Variants in ZNF836 observed in about 807,000 individuals in gnomAD.
ZNF836 encodes the protein zinc finger protein 836.
Under a neutral mutation model 7.4 loss-of-function variants are expected in ZNF836, and 12 were observed. The observed-to-expected ratio is 1.61, with a 90% CI of 1.03 to 2.61. The LOEUF (loss-of-function observed/expected upper bound fraction) is 2.61. ZNF836 is among the 30% of genes most tolerant of loss of function. The pLI, the probability that ZNF836 is intolerant of heterozygous loss-of-function variation, is 0.00. For synonymous variants in ZNF836, 365 were observed against 382.6 expected (o/e 0.95, Z 0.54); for missense variants, 998 against 1,126.2 (o/e 0.89, Z 1.63).
chr19:52,159,143 C>T (rs1410975491), intron 4 of ZNF836, among the ~76,000 whole-genome samples: 1 of 152,010 alleles, frequency 6.6e-6, no homozygotes, highest in East Asian at 1.9e-4. Context: ...GTTTAAACGA[C>T]CCTATCTATG....
chr19:52,170,667 T>C (rs2089300670), intron 1 of ZNF836, among the ~76,000 whole-genome samples: 1 of 152,166 alleles, frequency 6.6e-6, no homozygotes, highest in Non-Finnish European at 1.5e-5. Context: ...TTCGTTCTCT[T>C]TCACTCTTGC....
rs1043052059 is a variant in ZNF836 at position 52,156,896 on chromosome 19, T to G, written c.787A>C (p.Ile263Leu). ...CCCCTTGTATGGACTATCTGATGTATAGTTAGTAGTGAGCCCCGATGAAAG... is the reference window on the plus strand; with the variant it reads ...CCCCTTGTATGGACTATCTGATGTAGAGTTAGTAGTGAGCCCCGATGAAAG... ...KAFHRGSLLT[I>L]HQIVHTRGKP... The change falls in exon 5 of 5, where the codon ATA becomes CTA. Residue 263 changes from isoleucine to leucine, a missense_variant. Physicochemically the swap from Ile to Leu is conservative, Grantham distance 5 (BLOSUM62 2). Coordinates refer to ENST00000682614, the MANE Select transcript of ZNF836 (RefSeq NM_001102657.3). 1.9e-6 allele frequency: 3 copies of G among 1,614,060 alleles called. No homozygotes were observed. The highest frequency in any genetic ancestry group is 2.7e-5 in the African/African-American group (2 of 74,924).
In ZNF836 at chr19:52,161,106, T is replaced by C. The variant is rs1022797907; in HGVS notation, c.16-515A>G. ...ATAGATAGAGAGATAGAGAGATTTG[T>C]TCCCATGTTACTAGGAGACAACTAT... On this transcript the variant is annotated intron_variant, in intron 3 of 4. Coordinates refer to ENST00000682614, the MANE Select transcript of ZNF836 (RefSeq NM_001102657.3). This position sits in a 1 kb window ranked among gnomAD's most constrained non-coding sequence, Gnocchi z 4.1. Among the ~76,000 whole-genome samples the C allele has an allele frequency of 2.0e-5, 3 of 152,226 alleles. No individual in the cohort carries two copies. Among genetic ancestry groups the C allele is most frequent in the Non-Finnish European group, 4.4e-5 (3 of 68,046 alleles).
In ZNF836 at chr19:52,155,274, C is replaced by T. The variant is rs376731365; in HGVS notation, c.2409G>A (p.Glu803=). ...CACACTCATTACACACGTAAGGTTT[C>T]TCTCCAGTATGAATACTCCGATGAC... ...LARHRSIHTG[E]KPYVCNECGK... Residue 803 remains glutamate (E), a synonymous_variant, in exon 5 of 5, where the codon GAG becomes GAA. Coordinates refer to ENST00000682614, the MANE Select transcript of ZNF836 (RefSeq NM_001102657.3). The T allele has an allele frequency of 2.1e-4, 334 of 1,613,934 alleles. 1 individual carries two copies. The African/African-American group carries it at 3.5e-3, about 17-fold the overall frequency.
chr19:52,160,419 A>C (rs756870555), intron 4 of ZNF836, 46 bp downstream of exon 4: 24 of 1,613,454 alleles, frequency 1.5e-5, no homozygotes, highest in Non-Finnish European at 2.0e-5. Context: ...AAAATACAAA[A>C]ATACACGAGG....
chr19:52,163,647 A>G (rs980846542), intron 3 of ZNF836, among the ~76,000 whole-genome samples: 2 of 152,284 alleles, frequency 1.3e-5, no homozygotes. Context: ...AGACACAACC[A>G]AAGCCTATCA....
intron 2 of ZNF836, among the ~76,000 whole-genome samples, chr19:52,169,232 A>C (rs1003837223): frequency 6.6e-6 from 1 of 152,234 alleles, no homozygotes; most frequent in African/African-American, 2.4e-5. Context: ...GATATTGAAT[A>C]AACTAACACT....
chr19:52,157,284 T>C lies in ZNF836; in HGVS notation c.399A>G (p.Glu133=). The part of the protein sequence containing the change: ...KRGQHSQEDV[E]NKCIENQLTL... Reference sequence around the variant, plus strand: ...TAAGCTGATTTTCAATACATTTGTTTTCTACATCCTCTTGACTATGTTGAC... The same window carrying C: ...TAAGCTGATTTTCAATACATTTGTTCTCTACATCCTCTTGACTATGTTGAC... Residue 133 remains glutamate (E), a synonymous_variant, in exon 5 of 5, where the codon GAA becomes GAG. Transcript: ENST00000682614. 6.2e-7 allele frequency: 1 copy of C among 1,605,572 alleles called. No individual in the cohort carries two copies. The highest frequency in any genetic ancestry group is 8.5e-7 in the Non-Finnish European group (1 of 1,174,780).
intron 4 of ZNF836, among the ~76,000 whole-genome samples, chr19:52,158,537 G>T (rs1370913643): frequency 2.0e-5 from 3 of 152,016 alleles, no homozygotes; most frequent in Non-Finnish European, 4.4e-5. Context: ...GAGGTCAGGA[G>T]TTCGAGACTA....
intron 3 of ZNF836, among the ~76,000 whole-genome samples, chr19:52,164,449 A>AAAGGAAGGAAGG (rs59942431): frequency 5.2e-4 from 71 of 137,276 alleles, no homozygotes; most frequent in African/African-American, 1.7e-3. Context: ...GAGAGAGAGA[A>AAAGGAAGGAAGG]AAGGAAGGAA....
rs764739916 is a variant in ZNF836 at position 52,156,527 on chromosome 19, A to G, written c.1156T>C (p.Tyr386His). The stretch of plus-strand genomic sequence containing the variant: ...GACTTTCCACATATGTTGCATTTGT[A>G]TGGTTTCTCTCCAGTGTGGATTCTC... Reference protein sequence around the residue: ...HQRIHTGEKPYKCNICGKSFS... With the variant: ...HQRIHTGEKPHKCNICGKSFS... Residue 386 changes from tyrosine (Y) to histidine (H), a missense_variant, in exon 5 of 5, where the codon TAC becomes CAC. By Grantham distance (83) the Tyr-to-His change is moderately conservative. Transcript: ENST00000682614. 15 of 1,614,122 alleles carry G rather than the reference A, an allele frequency of 9.3e-6. No homozygotes were observed. The highest frequency in any genetic ancestry group is 1.3e-5 in the Non-Finnish European group (15 of 1,180,032).
rs761857951 is a variant in ZNF836 at position 52,155,616 on chromosome 19, A to G, written c.2067T>C (p.Thr689=). ...CATTACAATTGTAAGGTTTCTCTCC[A>G]GTATGAATTATCAGATGTTTAGTGA... ...SSLTKHLIIH[T]GEKPYNCNEF... The change falls in exon 5 of 5, where the codon ACT becomes ACC. Residue 689 remains threonine, a synonymous_variant. Coordinates refer to ENST00000682614, the MANE Select transcript of ZNF836 (RefSeq NM_001102657.3). 5 of 1,614,108 alleles carry G rather than the reference A, an allele frequency of 3.1e-6. No homozygotes were observed. In the East Asian group the frequency reaches 6.7e-5, roughly 22 times the overall value.
chr19:52,155,932 C>T lies in ZNF836; in HGVS notation c.1751G>A (p.Cys584Tyr), dbSNP rs901902114. 6.2e-7 allele frequency: 1 copy of T among 1,613,882 alleles called. No individual in the cohort carries two copies. The highest frequency in any genetic ancestry group is 1.3e-5 in the African/African-American group (1 of 74,926). ...RIHTGEKPFQ[C>Y]NECGTVFRNY... ...CCTGAAGACTGTGCCACATTCATTA[C>T]ATTGGAAAGGTTTCTCTCCCGTATG... The change falls in exon 5 of 5, where the codon TGT becomes TAT. Residue 584 changes from cysteine (C) to tyrosine (Y), a missense_variant. Transcript: ENST00000682614.
At chr19:52,158,604 A>T (rs1245063533) in intron 4 of ZNF836, among the ~76,000 whole-genome samples, 1 of 151,886 alleles carries the variant, frequency 6.6e-6, no homozygotes, top group East Asian at 1.9e-4. Context: ...TTAGCCAGGC[A>T]TGGTGGTGTG....
intron 3 of ZNF836, among the ~76,000 whole-genome samples, chr19:52,166,087 G>T (rs2089261175): frequency 1.3e-5 from 2 of 152,068 alleles, no homozygotes; most frequent in Non-Finnish European, 1.5e-5. Context: ...TGCCTCCTGG[G>T]TTCAAGGGAT....
intron 3 of ZNF836, among the ~76,000 whole-genome samples, chr19:52,163,040 C>CA (rs1368356726): frequency 7.2e-5 from 11 of 152,144 alleles, no homozygotes; most frequent in Non-Finnish European, 1.5e-5. Flanking sequence ...ACAGAGATCA[C>CA]AGACCTGAGG....
rs929479124 is a variant in ZNF836, at chr19:52,166,751, T to G, written c.15+1307A>C. Among the ~76,000 whole-genome samples, 10 of 151,644 alleles carry G rather than the reference T, an allele frequency of 6.6e-5. 1 individual carries two copies. The highest frequency in any genetic ancestry group is 2.2e-4 in the African/African-American group (9 of 41,336). ...ACCACGCCCAGCTAATTTTTTTTTT[T>G]TTATTTTTTAGTAGAGACGGGGTTT... On this transcript the variant is annotated intron_variant, in intron 3 of 4. Transcript: ENST00000682614.
chr19:52,164,393 CA>C (rs34929285), intron 3 of ZNF836, among the ~76,000 whole-genome samples: 64,440 of 120,506 alleles, frequency 0.53, 15,665 homozygotes, highest in African/African-American at 0.64. Context: ...AACTCTGTCT[CA>C]AAAAAAAAAA....
At position 52,156,942 on chromosome 19, in the gene ZNF836, T is replaced by C. The variant is rs201484430; in HGVS notation, c.741A>G (p.Lys247=). The change falls in exon 5 of 5, where the codon AAA becomes AAG. Residue 247 remains lysine, a synonymous_variant. Coordinates refer to ENST00000682614, the MANE Select transcript of ZNF836 (RefSeq NM_001102657.3). ...GAAAGGCTTTGCCACATTCATTGCA[T>C]TTGTAAGGTTTCTCTGTAGTATGTA... ...QMVHTTEKPY[K]CNECGKAFHR... The C allele has an allele frequency of 1.3e-3, 2,067 of 1,614,182 alleles. 3 individuals are homozygous for C. The highest frequency in any genetic ancestry group is 1.6e-3 in the Non-Finnish European group (1,915 of 1,180,018).
Sources: gnomAD v4.1 joint callset for allele counts (sites outside exome capture counted in the v4.1 genomes callset) on GRCh38, gnomAD v4.1.1 for gene constraint, Gnocchi (gnomAD v3.1) non-coding constraint, MANE v1.5 for transcripts, NCBI Gene and HGNC (gene_info 2026-07-23, HGNC 2026-07-21) for gene names.